Variants in ANKRD31 observed in about 807,000 individuals in gnomAD.
The protein encoded by ANKRD31 is ankyrin repeat domain-containing protein 31.
A neutral mutation model predicts 186.0 loss-of-function variants in ANKRD31; 147 were observed. The ratio of observed to expected loss-of-function variants is 0.79; its 90% confidence interval spans 0.69 to 0.91. ANKRD31 has a LOEUF of 0.91. Ranked by LOEUF, ANKRD31 falls within the 40% of genes least tolerant of loss-of-function variation. The pLI is 0.00. For synonymous variants in ANKRD31, 673 were observed against 736.4 expected (o/e 0.91, Z 1.39); for missense variants, 1,986 against 2,148.8 (o/e 0.92, Z 1.50).
intron 25 of ANKRD31, among the ~76,000 whole-genome samples, chr5:75,072,437 C>A (rs1744310833): frequency 1.3e-5 from 2 of 152,042 alleles, no homozygotes; most frequent in Middle Eastern, 3.2e-3. Flanking sequence ...TATTTTGGAC[C>A]ATGAGTTTAC....
rs962667968 is a variant in ANKRD31, at chr5:75,077,009, C to T, written c.5647+3559G>A. On this transcript the variant is annotated intron_variant, in intron 25 of 25. Transcript: ENST00000506364. ...TGTTATTTTAATATAAAGTTCAATG[C>T]CTTTTTTAAAAATAAAAGGATCCTA... Among the ~76,000 whole-genome samples the T allele has an allele frequency of 1.4e-4, 21 of 152,124 alleles. No homozygotes were observed. In the East Asian group the frequency reaches 3.1e-3, roughly 22 times the overall value.
chr5:75,194,507 A>T (rs1755325413), intron 7 of ANKRD31, among the ~76,000 whole-genome samples: 1 of 152,166 alleles, frequency 6.6e-6, no homozygotes, highest in Admixed American at 6.6e-5. Context: ...TGTCCCAGGT[A>T]TGTATGCTGC....
chr5:75,203,673 A>AG lies in ANKRD31; in HGVS notation c.403+2737_403+2738insC, dbSNP rs536156544. 7.4e-5 allele frequency among the ~76,000 whole-genome samples: 11 copies of AG among 148,330 alleles called. No homozygotes were observed. In the East Asian group the frequency reaches 9.9e-4, roughly 13 times the overall value. On this transcript the variant is annotated intron_variant, in intron 5 of 25. Coordinates refer to ENST00000506364, the MANE Select transcript of ANKRD31 (RefSeq NM_001372053.1). Reference sequence around the variant, plus strand: ...GAGAGGATCCATCTCAAAAAAAAAAAAAAAGAAAAGAAAAGAAAAGAAAAG... The same window carrying AG: ...GAGAGGATCCATCTCAAAAAAAAAAAGAAAAGAAAAGAAAAGAAAAGAAAAG...
Position 75,068,427 on chromosome 5 carries a change from T to G in ANKRD31, c.*92A>C. 2 of 1,276,248 alleles carry G rather than the reference T, an allele frequency of 1.6e-6. No homozygotes were observed. The highest frequency in any genetic ancestry group is 2.0e-6 in the Non-Finnish European group (2 of 978,810). 79.1% of individuals were successfully genotyped at this position (1,276,248 alleles called of 1,614,324 possible). A position where few individuals can be genotyped will look rare whatever the true frequency, so the allele number is the denominator to read the frequency against. On this transcript the variant is annotated 3_prime_UTR_variant, in exon 26 of 26. Coordinates refer to ENST00000506364, the MANE Select transcript of ANKRD31 (RefSeq NM_001372053.1). ...AAATAGCAACTCATAAAGTGTATGT[T>G]AAAATAGGCCCACCAGATTATACAA...
chr5:75,121,490 A>G (rs1310452653), intron 17 of ANKRD31, among the ~76,000 whole-genome samples: 1 of 152,180 alleles, frequency 6.6e-6, no homozygotes, highest in African/African-American at 2.4e-5. Flanking sequence ...ATTCTATCCA[A>G]CATCGCAGAA....
chr5:75,135,376 A>G (rs1226749070), intron 17 of ANKRD31, among the ~76,000 whole-genome samples: 1 of 152,194 alleles, frequency 6.6e-6, no homozygotes, highest in Non-Finnish European at 1.5e-5. Context: ...CCAATAACAG[A>G]CAAACAGAGA....
At chr5:75,103,743 G>A (rs117746111) in intron 22 of ANKRD31, among the ~76,000 whole-genome samples, 5 of 152,186 alleles carry the variant, frequency 3.3e-5, no homozygotes, top group African/African-American at 9.6e-5. Flanking sequence ...GCAAACTAAC[G>A]CAAGAACATA....
intron 3 of ANKRD31, among the ~76,000 whole-genome samples, chr5:75,216,671 T>C (rs1026414704): frequency 2.0e-5 from 3 of 152,138 alleles, no homozygotes; most frequent in African/African-American, 7.2e-5. Context: ...TAAGTAGACC[T>C]TCACATTAAC....
At chr5:75,226,712 A>G (rs1213939201) in intron 2 of ANKRD31, among the ~76,000 whole-genome samples, 2 of 152,232 alleles carry the variant, frequency 1.3e-5, no homozygotes, top group Non-Finnish European at 2.9e-5. Flanking sequence ...CAAAACTACA[A>G]TGAAATATCA....
intron 22 of ANKRD31, among the ~76,000 whole-genome samples, chr5:75,097,587 T>C (rs1746436521): frequency 1.3e-5 from 2 of 152,222 alleles, no homozygotes; most frequent in African/African-American, 2.4e-5. Context: ...ATTGTAAAAA[T>C]GTTCTCCCAT....
At chr5:75,228,259 T>C (rs1329464293) in intron 2 of ANKRD31, among the ~76,000 whole-genome samples, 2 of 152,238 alleles carry the variant, frequency 1.3e-5, no homozygotes, top group East Asian at 3.8e-4. Context: ...GTAAGTTATT[T>C]TGCTCTATTT....
At chr5:75,086,852 G>C (rs555688860) in intron 23 of ANKRD31, among the ~76,000 whole-genome samples, 1 of 152,282 alleles carries the variant, frequency 6.6e-6, no homozygotes, top group African/African-American at 2.4e-5. Context: ...AAAGTAGGGA[G>C]TGTAGAATGT....
intron 22 of ANKRD31, among the ~76,000 whole-genome samples, chr5:75,099,912 C>T (rs1344289110): frequency 6.6e-6 from 1 of 152,112 alleles, no homozygotes; most frequent in African/African-American, 2.4e-5. Flanking sequence ...TTTTTTGTGT[C>T]TCTATTTCCC....
chr5:75,100,350 G>T (rs1397048813), intron 22 of ANKRD31, among the ~76,000 whole-genome samples: 1 of 152,156 alleles, frequency 6.6e-6, no homozygotes, highest in East Asian at 1.9e-4. Context: ...CAACTATGTG[G>T]TCAATTTTGG....
At chr5:75,150,382 T>G (rs1020877412) in intron 12 of ANKRD31, among the ~76,000 whole-genome samples, 3 of 152,020 alleles carry the variant, frequency 2.0e-5, no homozygotes, top group African/African-American at 7.2e-5. Context: ...AAATGAATAC[T>G]CTGTTTTTAT....
intron 23 of ANKRD31, among the ~76,000 whole-genome samples, chr5:75,089,894 T>A (rs1217734287): frequency 6.6e-6 from 1 of 151,990 alleles, no homozygotes; most frequent in Non-Finnish European, 1.5e-5. Context: ...TAGTACAGAG[T>A]AAGGGCCAAA....
intron 10 of ANKRD31, among the ~76,000 whole-genome samples, chr5:75,176,119 C>G (rs1262514163): frequency 6.6e-6 from 1 of 152,174 alleles, no homozygotes; most frequent in African/African-American, 2.4e-5. Context: ...CCTATGCCCA[C>G]GGAGCTTCAC....
chr5:75,157,214 G>A (rs1752243630), intron 11 of ANKRD31, among the ~76,000 whole-genome samples: 1 of 152,170 alleles, frequency 6.6e-6, no homozygotes, highest in South Asian at 2.1e-4. Flanking sequence ...CAAGGGCTCA[G>A]AAGGAAATAT....
chr5:75,130,939 A>C (rs889851464), intron 17 of ANKRD31, among the ~76,000 whole-genome samples: 8 of 152,306 alleles, frequency 5.3e-5, no homozygotes, highest in Middle Eastern at 3.4e-3. Flanking sequence ...CACAACCAAG[A>C]GGAAAAGAGG....
Sources: gnomAD v4.1 joint callset for allele counts (sites outside exome capture counted in the v4.1 genomes callset) on GRCh38, gnomAD v4.1.1 for gene constraint, MANE v1.5 for transcripts, NCBI Gene and HGNC (gene_info 2026-07-23, HGNC 2026-07-21) for gene names.